The following PARD3B variants were observed in gnomAD, a reference collection of about 807,000 sequenced individuals.
The protein encoded by PARD3B is par-3 family cell polarity regulator beta.
PARD3B carries 103 observed loss-of-function variants against 130.2 expected under a neutral mutation model. The observed-to-expected ratio is 0.79, with a 90% CI of 0.67 to 0.93. PARD3B has a LOEUF of 0.93. Ranked by LOEUF, PARD3B falls within the 40% of genes least tolerant of loss-of-function variation. PARD3B has a pLI of 0.00. For synonymous variants in PARD3B, 583 were observed against 553.2 expected (o/e 1.05, Z -0.76); for missense variants, 1,609 against 1,499.2 (o/e 1.07, Z -1.21).
chr2:204,927,091 G>A (rs1218836596), intron 2 of PARD3B, among the ~76,000 whole-genome samples: 2 of 151,996 alleles, frequency 1.3e-5, no homozygotes, highest in Non-Finnish European at 2.9e-5. Context: ...TTTTAGCAAG[G>A]AATGCATAGC....
chr2:205,332,798 G>A (rs2043185219), intron 18 of PARD3B, among the ~76,000 whole-genome samples: 1 of 152,106 alleles, frequency 6.6e-6, no homozygotes, highest in African/African-American at 2.4e-5. Flanking sequence ...CCCACAGTGT[G>A]CAAAGTACCT....
At position 205,274,122 on chromosome 2, in the gene PARD3B, A is replaced by G. The variant is rs1424878072; in HGVS notation, c.2186-26408A>G. On this transcript the variant is annotated intron_variant, in intron 16 of 22. Transcript: ENST00000406610. This position sits in a 1 kb window ranked among gnomAD's most constrained non-coding sequence, Gnocchi z 4.2. Reference sequence around the variant, plus strand: ...AGTTTTTTTAAAAAAAGTCTATTTTATTTTCCCTCATATGTATATATATCT... The same window carrying G: ...AGTTTTTTTAAAAAAAGTCTATTTTGTTTTCCCTCATATGTATATATATCT... Among the ~76,000 whole-genome samples the G allele has an allele frequency of 1.3e-5, 2 of 152,092 alleles. No homozygotes were observed. Among genetic ancestry groups the G allele is most frequent in the East Asian group, 3.9e-4 (2 of 5,190 alleles).
intron 18 of PARD3B, among the ~76,000 whole-genome samples, chr2:205,314,603 A>G (rs1001927497): frequency 1.3e-5 from 2 of 152,240 alleles, no homozygotes; most frequent in Non-Finnish European, 2.9e-5. Context: ...CAGAACAATT[A>G]AAAGCAGATA....
chr2:205,583,757 A>G (rs1041525590), intron 22 of PARD3B, among the ~76,000 whole-genome samples: 3 of 152,204 alleles, frequency 2.0e-5, no homozygotes, highest in Admixed American at 6.5e-5. Context: ...ATTTTGATAC[A>G]TAGCAAAAGA....
At chr2:204,857,502 A>G (rs976238900) in intron 2 of PARD3B, among the ~76,000 whole-genome samples, 1 of 152,222 alleles carries the variant, frequency 6.6e-6, no homozygotes, top group African/African-American at 2.4e-5. Flanking sequence ...TAAAAGTTTT[A>G]TGTGACATAG....
chr2:204,703,143 G>A (rs2037974457), intron 2 of PARD3B, among the ~76,000 whole-genome samples: 1 of 152,144 alleles, frequency 6.6e-6, no homozygotes, highest in Non-Finnish European at 1.5e-5. Context: ...CAGAGAACAG[G>A]ATTAAGTGGT....
chr2:204,935,130 AT>A (rs1236261861), intron 2 of PARD3B, among the ~76,000 whole-genome samples: 1 of 140,268 alleles, frequency 7.1e-6, no homozygotes, highest in East Asian at 2.0e-4. Flanking sequence ...ACTATTTTTC[AT>A]TCTTGTTTTC....
chr2:204,692,915 A>G (rs1007480252), intron 2 of PARD3B, among the ~76,000 whole-genome samples: 1 of 152,048 alleles, frequency 6.6e-6, no homozygotes, highest in Non-Finnish European at 1.5e-5. Context: ...CTACCCAGGA[A>G]GAGGTTATAG....
intron 22 of PARD3B, among the ~76,000 whole-genome samples, chr2:205,602,428 T>C (rs1185497400): frequency 6.6e-6 from 1 of 152,224 alleles, no homozygotes; most frequent in African/African-American, 2.4e-5. Context: ...TTTCAATTGT[T>C]TGAAGTAGTT....
chr2:204,965,558 G>A (rs539732162), intron 3 of PARD3B, among the ~76,000 whole-genome samples: 3 of 152,092 alleles, frequency 2.0e-5, no homozygotes, highest in Admixed American at 6.6e-5. Flanking sequence ...GAAGTAACAC[G>A]GGGGAGTCAG....
Position 204,743,265 on chromosome 2 carries a change from T to C in PARD3B, c.222+56983T>C, listed in dbSNP as rs1389483157. Among the ~76,000 whole-genome samples the C allele has an allele frequency of 3.5e-4, 54 of 152,172 alleles. 1 individual carries two copies. The highest frequency in any genetic ancestry group is 3.4e-3 in the Admixed American group (52 of 15,268). On this transcript the variant is annotated intron_variant, in intron 2 of 22. Coordinates refer to ENST00000406610, the MANE Select transcript of PARD3B (RefSeq NM_001302769.2). ...AGAAGGGTGATTTTTTTTCTGCTGCTCTGGTTTGATTTTTGCATTATATTT... is the reference window on the plus strand; with the variant it reads ...AGAAGGGTGATTTTTTTTCTGCTGCCCTGGTTTGATTTTTGCATTATATTT...
At position 205,405,185 on chromosome 2, in the gene PARD3B, C is replaced by G. The variant is rs1309927821; in HGVS notation, c.2741+4062C>G. 6.6e-6 allele frequency among the ~76,000 whole-genome samples: 1 copy of G among 152,078 alleles called. No individual in the cohort carries two copies. The highest frequency in any genetic ancestry group is 1.5e-5 in the Non-Finnish European group (1 of 68,010). On this transcript the variant is annotated intron_variant, in intron 19 of 22. Transcript: ENST00000406610. The surrounding 1 kb of genome is among the most constrained non-coding windows in gnomAD (Gnocchi z 4.1). Reference sequence around the variant, plus strand: ...GATTAGAGGAATGCAGAGTCTAGAACAGTGGTTCTCAATGGGAGGGGGCAG... The same window carrying G: ...GATTAGAGGAATGCAGAGTCTAGAAGAGTGGTTCTCAATGGGAGGGGGCAG...
intron 4 of PARD3B, among the ~76,000 whole-genome samples, chr2:205,063,624 T>C: frequency 6.6e-6 from 1 of 152,190 alleles, no homozygotes; most frequent in East Asian, 1.9e-4. Flanking sequence ...TTAAATATAT[T>C]ATTTCATCGA....
intron 20 of PARD3B, among the ~76,000 whole-genome samples, chr2:205,486,543 A>G (rs1273985894): frequency 6.6e-6 from 1 of 152,188 alleles, no homozygotes; most frequent in Non-Finnish European, 1.5e-5. Flanking sequence ...TACGGGAAAC[A>G]TGGCAGCATC....
chr2:205,466,145 G>A (rs1005683186), intron 20 of PARD3B, among the ~76,000 whole-genome samples: 1 of 152,170 alleles, frequency 6.6e-6, no homozygotes, highest in Non-Finnish European at 1.5e-5. Flanking sequence ...CACTCACGCT[G>A]CTGGTCCAGG....
intron 4 of PARD3B, among the ~76,000 whole-genome samples, chr2:205,074,355 A>C (rs1700912973): frequency 6.6e-6 from 1 of 152,210 alleles, no homozygotes. Flanking sequence ...TTTTCCACTC[A>C]TTTGAACTTT....
chr2:205,506,340 C>T (rs112241859), intron 21 of PARD3B, among the ~76,000 whole-genome samples: 6,744 of 48,552 alleles, frequency 0.14, 222 homozygotes, highest in Non-Finnish European at 0.18. Flanking sequence ...TCAAAAAAAA[C>T]AAAAACAAAA....
intron 21 of PARD3B, among the ~76,000 whole-genome samples, chr2:205,552,361 T>C (rs867578759): frequency 1.3e-5 from 2 of 152,092 alleles, no homozygotes; most frequent in Non-Finnish European, 2.9e-5. Flanking sequence ...CAGCAACCCT[T>C]GTTAGTAAAG....
chr2:204,778,596 T>C lies in PARD3B; in HGVS notation c.222+92314T>C, dbSNP rs116149066. The stretch of plus-strand genomic sequence containing the variant: ...GAAATTTCTAATGTGGTTAAGGAAG[T>C]AAGTGACTTCATAAAACTAGAACTA... On this transcript the variant is annotated intron_variant, in intron 2 of 22. Transcript: ENST00000406610. 6.1e-3 allele frequency among the ~76,000 whole-genome samples: 929 copies of C among 152,244 alleles called. 11 individuals are homozygous for C. The highest frequency in any genetic ancestry group is 0.022 in the African/African-American group (897 of 41,530).
Sources: allele counts gnomAD v4.1 joint callset (sites outside exome capture counted in the v4.1 genomes callset), GRCh38; gene constraint gnomAD v4.1.1; non-coding constraint Gnocchi (gnomAD v3.1); transcripts MANE v1.5; gene names NCBI Gene and HGNC (gene_info 2026-07-23, HGNC 2026-07-21).